IMMT: variants seen among roughly 807,000 people sequenced by gnomAD.
IMMT encodes inner membrane mitochondrial protein.
In IMMT, 40 loss-of-function variants were observed where a neutral mutation model predicts 92.7. The observed-to-expected ratio is 0.43, with a 90% CI of 0.34 to 0.56. The LOEUF is 0.56. IMMT is among the 20% of genes least tolerant of loss of function. The probability of loss-of-function intolerance (pLI) is 0.03; values close to 1 mark genes in which losing one functional copy is unlikely to be tolerated. For missense variants in IMMT, 831 were observed against 912.1 expected (o/e 0.91, Z 1.14); for synonymous variants, 322 against 336.1 (o/e 0.96, Z 0.46).
intron 7 of IMMT, among the ~76,000 whole-genome samples, 154 bp downstream of exon 7, chr2:86,166,354 A>T (rs2105084307): frequency 1.3e-5 from 2 of 152,304 alleles, no homozygotes; most frequent in Non-Finnish European, 2.9e-5. Flanking sequence ...AAAAAGATTA[A>T]TTATTCCAGA....
chr2:86,157,418 T>C (rs569451893), intron 10 of IMMT, among the ~76,000 whole-genome samples: 1 of 152,192 alleles, frequency 6.6e-6, no homozygotes, highest in African/African-American at 2.4e-5. Context: ...GGTTCTGTGA[T>C]GCAACCCTGA....
chr2:86,177,837 T>C lies in IMMT; in HGVS notation c.309+1596A>G, dbSNP rs148694271. Among the ~76,000 whole-genome samples the C allele has an allele frequency of 1.7e-3, 252 of 152,296 alleles. 3 individuals are homozygous for C. The highest frequency in any genetic ancestry group is 5.8e-3 in the African/African-American group (243 of 41,564). On this transcript the variant is annotated intron_variant, in intron 3 of 14. Transcript: ENST00000410111. ...AGTAAGAGCTTGATAGCTGCAACAG[T>C]ATGGGATAATATATAGATGTCCCCC...
At chr2:86,153,465 G>A (rs1394254862) in intron 11 of IMMT, 95 bp downstream of exon 11, 4 of 623,728 alleles carry the variant, frequency 6.4e-6, no homozygotes, top group Non-Finnish European at 1.1e-5. Flanking sequence ...CTATTTAGAT[G>A]GCTTTGTGTA....
chr2:86,152,692 C>T (rs745605005), intron 11 of IMMT, among the ~76,000 whole-genome samples: 13 of 151,666 alleles, frequency 8.6e-5, no homozygotes, highest in Non-Finnish European at 1.3e-4. Flanking sequence ...ACCCAGGAGG[C>T]GAAGATTGCA....
At chr2:86,155,592 G>T (rs148495514) in intron 10 of IMMT, among the ~76,000 whole-genome samples, 1 of 152,210 alleles carries the variant, frequency 6.6e-6, no homozygotes, top group African/African-American at 2.4e-5. Flanking sequence ...CTATTATTGC[G>T]TTTGGAAACT....
chr2:86,154,176 C>CTT (rs564650860), intron 10 of IMMT, among the ~76,000 whole-genome samples: 2,977 of 136,068 alleles, frequency 0.022, 112 homozygotes, highest in African/African-American at 0.074. Flanking sequence ...CTAAACATTT[C>CTT]TTTTTTTTTT....
At chr2:86,174,938 A>G (rs1214342104) in intron 3 of IMMT, among the ~76,000 whole-genome samples, 1 of 152,206 alleles carries the variant, frequency 6.6e-6, no homozygotes. Flanking sequence ...TTAAATGAAA[A>G]GCACCGTAGT....
chr2:86,182,045 A>G (rs1201812167), intron 1 of IMMT, among the ~76,000 whole-genome samples: 1 of 152,234 alleles, frequency 6.6e-6, no homozygotes, highest in Non-Finnish European at 1.5e-5. Context: ...GATCAGGGCT[A>G]TATGGCTTGT....
chr2:86,150,951 C>T (rs1468282827), intron 12 of IMMT, among the ~76,000 whole-genome samples: 1 of 150,060 alleles, frequency 6.7e-6, no homozygotes, highest in African/African-American at 2.5e-5. Context: ...CAGTCTTGCT[C>T]CATCGCCCAA....
At chr2:86,165,097 T>C (rs1434587644) in intron 7 of IMMT, among the ~76,000 whole-genome samples, 3 of 152,230 alleles carry the variant, frequency 2.0e-5, no homozygotes, top group African/African-American at 7.2e-5. Context: ...CATTAGATTG[T>C]AAAATCTTGA....
chr2:86,149,740 T>C (rs1389792886), intron 12 of IMMT, among the ~76,000 whole-genome samples: 1 of 152,074 alleles, frequency 6.6e-6, no homozygotes, highest in Non-Finnish European at 1.5e-5. Context: ...TAGCCACATG[T>C]GGTGGCATGC....
chr2:86,156,593 C>CAAA (rs57252871), intron 10 of IMMT, among the ~76,000 whole-genome samples: 5 of 44,608 alleles, frequency 1.1e-4, no homozygotes, highest in Admixed American at 2.3e-4. Flanking sequence ...GACTCCATCT[C>CAAA]AAAAAAAAAA....
At chr2:86,160,944 T>C (rs1477277668) in intron 8 of IMMT, among the ~76,000 whole-genome samples, 2 of 152,108 alleles carry the variant, frequency 1.3e-5, no homozygotes, top group African/African-American at 4.8e-5. Flanking sequence ...TTATGTAAGA[T>C]CCTTTATATG....
At position 86,144,696 on chromosome 2, in the gene IMMT, G is replaced by A; in HGVS notation, c.1849C>T (p.Pro617Ser). 1.9e-6 allele frequency: 3 copies of A among 1,613,976 alleles called. No homozygotes were observed. The highest frequency in any genetic ancestry group is 2.5e-6 in the Non-Finnish European group (3 of 1,179,896). ...ACCCCACGGGTCAGGGACTCTGGAGGGATAGCTGCGGTTAAAGCTTGGGTG... is the reference window on the plus strand; with the variant it reads ...ACCCCACGGGTCAGGGACTCTGGAGAGATAGCTGCGGTTAAAGCTTGGGTG... ...EFTQALTAAI[P>S]PESLTRGVYS... The change falls in exon 15 of 15, where the codon CCT (proline) becomes TCT (serine). Residue 617 changes from proline to serine, a missense_variant. Coordinates refer to ENST00000410111, the MANE Select transcript of IMMT (RefSeq NM_006839.3).
chr2:86,158,421 T>C (rs1026135006), intron 10 of IMMT, 171 bp downstream of exon 10: 2 of 480,550 alleles, frequency 4.2e-6, no homozygotes, highest in Non-Finnish European at 7.6e-6. Context: ...ACAAGAGTAG[T>C]GTTGCAGCTG....
chr2:86,166,471 G>C (rs1161139736), intron 7 of IMMT, 37 bp downstream of exon 7: 1 of 1,556,908 alleles, frequency 6.4e-7, no homozygotes, highest in Admixed American at 1.9e-5. Flanking sequence ...TCCAAGTCAT[G>C]ACAGCCAGAA....
At chr2:86,146,864 G>A (rs1007278729) in intron 13 of IMMT, among the ~76,000 whole-genome samples, 1 of 152,130 alleles carries the variant, frequency 6.6e-6, no homozygotes, top group Non-Finnish European at 1.5e-5. Flanking sequence ...AGATTCAAAC[G>A]ATTCTCATGC....
At chr2:86,145,779 T>G (rs535577191) in intron 14 of IMMT, among the ~76,000 whole-genome samples, 190 of 152,230 alleles carry the variant, frequency 1.2e-3, no homozygotes, top group African/African-American at 4.4e-3. Context: ...AAGGCAAGCA[T>G]GGGACCACAC....
At position 86,166,516 on chromosome 2, in the gene IMMT, T is replaced by A. The variant is rs1392394495; in HGVS notation, c.784A>T (p.Asn262Tyr). 1.2e-6 allele frequency: 2 copies of A among 1,609,860 alleles called. No individual in the cohort carries two copies. The highest frequency in any genetic ancestry group is 1.7e-6 in the Non-Finnish European group (2 of 1,178,810). ...TCATTCATTGGGCTCACCTCAGAAT[T>A]GTCCATGGCGGCTTTCAATATGTTG... ...HSNILKAAMDNSEIAGEKKSA... is the reference protein window; with the variant it reads ...HSNILKAAMDYSEIAGEKKSA... The change falls in exon 7 of 15, where the codon AAT (asparagine) becomes TAT (tyrosine). Residue 262 changes from asparagine (N) to tyrosine (Y), a missense_variant. Coordinates refer to ENST00000410111, the MANE Select transcript of IMMT (RefSeq NM_006839.3).
Sources: gnomAD v4.1 joint callset for allele counts (sites outside exome capture counted in the v4.1 genomes callset) on GRCh38, gnomAD v4.1.1 for gene constraint, MANE v1.5 for transcripts, NCBI Gene and HGNC (gene_info 2026-07-23, HGNC 2026-07-21) for gene names.